The following BAZ2B variants were observed in gnomAD, a reference collection of about 807,000 sequenced individuals.
The protein encoded by BAZ2B is bromodomain adjacent to zinc finger domain 2B, also known as bromodomain adjacent to zinc finger domain protein 2B.
In BAZ2B, 91 loss-of-function variants were observed where a neutral mutation model predicts 246.0. That is an observed-to-expected ratio of 0.37 (90% confidence interval 0.31 to 0.44). The LOEUF (loss-of-function observed/expected upper bound fraction) is 0.44, where lower values mean the gene tolerates loss of function less well. BAZ2B is among the 20% of genes least tolerant of loss of function. The pLI is 1.00. For missense variants in BAZ2B, 2,332 were observed against 2,533.7 expected, an observed-to-expected ratio of 0.92 and a Z score of 1.71; for synonymous variants, 855 against 860.0, an observed-to-expected ratio of 0.99 and a Z score of 0.10.
At chr2:159,352,516 C>T (rs1237493757) in intron 27 of BAZ2B, among the ~76,000 whole-genome samples, 2 of 149,722 alleles carry the variant, frequency 1.3e-5, no homozygotes, top group African/African-American at 2.5e-5. Context: ...GATAGGGTCT[C>T]ACTCTGTCAC....
chr2:159,435,575 C>G (rs957186385), intron 8 of BAZ2B: 1 of 152,212 alleles, frequency 6.6e-6, no homozygotes, highest in African/African-American at 2.4e-5. Context: ...AGGATGGTCT[C>G]GATCTCTTGA....
intron 20 of BAZ2B, among the ~76,000 whole-genome samples, chr2:159,392,822 A>G (rs1172879046): frequency 6.6e-6 from 1 of 152,214 alleles, no homozygotes; most frequent in Non-Finnish European, 1.5e-5. Flanking sequence ...CTGGTTATTA[A>G]ACGAATTCAA....
intron 27 of BAZ2B, among the ~76,000 whole-genome samples, chr2:159,351,899 C>T (rs1284045341): frequency 2.0e-5 from 3 of 152,126 alleles, no homozygotes; most frequent in Non-Finnish European, 4.4e-5. Flanking sequence ...TCTACCTATT[C>T]CTTCAATCTC....
chr2:159,683,408 C>T, the BAZ2B span, among the ~76,000 whole-genome samples: 1 of 152,178 alleles, frequency 6.6e-6, no homozygotes, highest in African/African-American at 2.4e-5. Context: ...GCTAAAATCA[C>T]ACTTTTTAGC....
chr2:159,323,477 G>A (rs1317344274), intron 36 of BAZ2B, among the ~76,000 whole-genome samples: 2 of 151,998 alleles, frequency 1.3e-5, no homozygotes, highest in East Asian at 3.9e-4. Context: ...AAATTTCATT[G>A]TGCCATCTAC....
At chr2:159,345,428 A>G (rs2067619394) in intron 31 of BAZ2B, among the ~76,000 whole-genome samples, 1 of 152,188 alleles carries the variant, frequency 6.6e-6, no homozygotes, top group African/African-American at 2.4e-5. Context: ...CCAAAACATC[A>G]CCATGTACTC....
intron 2 of BAZ2B, among the ~76,000 whole-genome samples, chr2:159,523,071 A>G (rs2084315241): frequency 6.6e-6 from 1 of 152,130 alleles, no homozygotes. Context: ...GTTCAACACT[A>G]GCCCAGGCAA....
rs76048337 is a variant in BAZ2B at position 159,531,904 on chromosome 2, T to C, written c.-3+23919A>G. Among the ~76,000 whole-genome samples, 52 of 152,340 alleles carry C rather than the reference T, an allele frequency of 3.4e-4. No homozygotes were observed. The East Asian group carries it at 7.7e-3, about 23-fold the overall frequency. The stretch of plus-strand genomic sequence containing the variant: ...ACTTGCAAAAGAATTTTAAAGTGTA[T>C]ATATTCAATTATCTATACACTTACA... On this transcript the variant is annotated intron_variant, in intron 2 of 36. Transcript: ENST00000392783.
chr2:159,530,228 CTTTCTA>C (rs1337098941), intron 2 of BAZ2B, among the ~76,000 whole-genome samples: 22 of 152,168 alleles, frequency 1.4e-4, no homozygotes, highest in Admixed American at 4.6e-4. Flanking sequence ...ACAGTGATTT[CTTTCTA>C]TAACTTTTGC....
intron 1 of BAZ2B, among the ~76,000 whole-genome samples, chr2:159,589,997 G>A (rs933434032): frequency 6.6e-6 from 1 of 151,894 alleles, no homozygotes; most frequent in Middle Eastern, 3.4e-3. Flanking sequence ...GACCAGCCTG[G>A]CCAATGTGGT....
the BAZ2B span, among the ~76,000 whole-genome samples, chr2:159,707,426 G>T: frequency 6.6e-6 from 1 of 151,964 alleles, no homozygotes; most frequent in Non-Finnish European, 1.5e-5. Flanking sequence ...CTGTTGGCCT[G>T]GTGCCTGTAA....
the BAZ2B span, among the ~76,000 whole-genome samples, chr2:159,635,441 T>C: frequency 6.6e-6 from 1 of 152,140 alleles, no homozygotes; most frequent in Admixed American, 6.5e-5. Context: ...GGTAAATTAA[T>C]GATGAGTCTC....
the BAZ2B span, among the ~76,000 whole-genome samples, chr2:159,682,709 G>A: frequency 7.9e-5 from 12 of 152,234 alleles, no homozygotes; most frequent in African/African-American, 2.2e-4. Flanking sequence ...TTCATATAAC[G>A]AGAAGACAGA....
chr2:159,597,451 GTTCA>G (rs1379101244), intron 1 of BAZ2B, among the ~76,000 whole-genome samples: 1 of 152,158 alleles, frequency 6.6e-6, no homozygotes, highest in East Asian at 1.9e-4. Context: ...CTTATGTTGA[GTTCA>G]TTATGTCCTT....
At chr2:159,699,468 T>C in the BAZ2B span, among the ~76,000 whole-genome samples, 2 of 152,010 alleles carry the variant, frequency 1.3e-5, no homozygotes, top group African/African-American at 4.8e-5. Flanking sequence ...GCCCAGGAGT[T>C]TGAGGTTGCA....
chr2:159,461,725 G>T (rs1177525649), intron 3 of BAZ2B: 2 of 152,694 alleles, frequency 1.3e-5, no homozygotes, highest in Admixed American at 1.3e-4. Flanking sequence ...ACTAAGATGG[G>T]AAGGAGACAA....
intron 1 of BAZ2B, among the ~76,000 whole-genome samples, chr2:159,558,726 G>A (rs1174782982): frequency 1.3e-5 from 2 of 152,168 alleles, no homozygotes; most frequent in African/African-American, 2.4e-5. Flanking sequence ...GGAAATAAGA[G>A]AAGTGGAATT....
At chr2:159,429,297 A>G (rs2070630155) in intron 10 of BAZ2B, 37 bp from the exon 11 acceptor site, 2 of 1,200,706 alleles carry the variant, frequency 1.7e-6, no homozygotes, top group South Asian at 1.8e-5. Context: ...TAAAACATTC[A>G]TTAATATAAA....
At chr2:159,336,454 G>A (rs1234261293) in intron 33 of BAZ2B, among the ~76,000 whole-genome samples, 3 of 152,182 alleles carry the variant, frequency 2.0e-5, no homozygotes, top group African/African-American at 7.2e-5. Context: ...TACTGTTCAT[G>A]TCAACCACAT....
Sources: gnomAD v4.1 joint callset for allele counts (sites outside exome capture counted in the v4.1 genomes callset) on GRCh38, gnomAD v4.1.1 for gene constraint, MANE v1.5 for transcripts, NCBI Gene and HGNC (gene_info 2026-07-23, HGNC 2026-07-21) for gene names.